The following CAMKMT variants were observed in gnomAD, a reference collection of about 807,000 sequenced individuals.
CAMKMT encodes the protein CaM KMT.
Under a neutral mutation model 48.0 loss-of-function variants are expected in CAMKMT, and 53 were observed. The ratio of observed to expected loss-of-function variants is 1.10; its 90% CI spans 0.89 to 1.39. CAMKMT has a LOEUF of 1.39. CAMKMT is among the 40% of genes most tolerant of loss of function. The probability of loss-of-function intolerance (pLI) is 0.00; values close to 1 mark genes in which losing one functional copy is unlikely to be tolerated. For synonymous variants in CAMKMT, 165 were observed against 152.3 expected, an observed-to-expected ratio of 1.08 and a Z score of -0.61; for missense variants, 428 against 402.7, an observed-to-expected ratio of 1.06 and a Z score of -0.54.
intron 3 of CAMKMT, among the ~76,000 whole-genome samples, chr2:44,432,081 G>T (rs1469903985): frequency 1.3e-5 from 2 of 152,090 alleles, no homozygotes. Context: ...CTTCTTGGCT[G>T]GTTTAGTCGC....
At chr2:44,366,800 C>A (rs905239661) in intron 1 of CAMKMT, among the ~76,000 whole-genome samples, 9 of 152,028 alleles carry the variant, frequency 5.9e-5, no homozygotes, top group African/African-American at 2.2e-4. Context: ...CGGCTCACTG[C>A]AACCTCCATG....
chr2:44,736,739 G>A (rs1434774945), intron 7 of CAMKMT, among the ~76,000 whole-genome samples: 1 of 151,936 alleles, frequency 6.6e-6, no homozygotes, highest in Non-Finnish European at 1.5e-5. Flanking sequence ...CTATCACTAT[G>A]TTTTCAAGTT....
At chr2:44,728,175 C>G (rs2104337040) in intron 7 of CAMKMT, among the ~76,000 whole-genome samples, 1 of 152,280 alleles carries the variant, frequency 6.6e-6, no homozygotes, top group East Asian at 1.9e-4. Context: ...ATCCTCCTGC[C>G]TCGGCCTCCC....
At chr2:44,679,038 T>C (rs1216175513) in intron 3 of CAMKMT, among the ~76,000 whole-genome samples, 3 of 152,166 alleles carry the variant, frequency 2.0e-5, no homozygotes, top group South Asian at 4.1e-4. Flanking sequence ...AAATCCTCTT[T>C]CTACTCTTAT....
At chr2:44,656,363 T>G (rs1674377440) in intron 3 of CAMKMT, among the ~76,000 whole-genome samples, 1 of 152,180 alleles carries the variant, frequency 6.6e-6, no homozygotes, top group African/African-American at 2.4e-5. Context: ...TTCTTTTTTT[T>G]TTAAAAAAAT....
At chr2:44,556,359 G>C (rs1199296572) in intron 3 of CAMKMT, among the ~76,000 whole-genome samples, 1 of 150,770 alleles carries the variant, frequency 6.6e-6, no homozygotes, top group Non-Finnish European at 1.5e-5. Context: ...GGCTGTTCTT[G>C]AACTCCTGAC....
intron 3 of CAMKMT, among the ~76,000 whole-genome samples, chr2:44,673,506 G>GAAGGAAGC (rs1675473879): frequency 1.4e-5 from 2 of 142,418 alleles, no homozygotes; most frequent in African/African-American, 5.3e-5. Context: ...AGGAAGGAAG[G>GAAGGAAGC]AAGGAAGGAA....
Position 44,390,414 on chromosome 2 carries a change from T to C in CAMKMT, c.376+109T>C. The C allele has an allele frequency of 2.9e-6, 2 of 695,940 alleles. 1 individual carries two copies. Among genetic ancestry groups the C allele is most frequent in the South Asian group, 4.3e-5 (2 of 46,052 alleles). 43.1% of individuals were successfully genotyped at this position (695,940 alleles called of 1,614,324 possible). On this transcript the variant is annotated intron_variant, in intron 3 of 10. Coordinates refer to ENST00000378494, the MANE Select transcript of CAMKMT (RefSeq NM_024766.5). ...TTATTATACTCACTAAATGTATGCATATATGTATATATAATAGAAAGTTTG... is the reference window on the plus strand; with the variant it reads ...TTATTATACTCACTAAATGTATGCACATATGTATATATAATAGAAAGTTTG...
At chr2:44,726,068 T>A (rs1212809989) in intron 7 of CAMKMT, among the ~76,000 whole-genome samples, 2 of 152,160 alleles carry the variant, frequency 1.3e-5, no homozygotes, top group East Asian at 3.9e-4. Flanking sequence ...AGCTCCCACT[T>A]ATAAGTGAGA....
In CAMKMT at chr2:44,673,470, A is replaced by AGAGGAAGGAAGG. The variant is rs1558786594; in HGVS notation, c.377-30812_377-30801dup. ...GAGAGAGAAAGAGAAAGAAAGAGAG[A>AGAGGAAGGAAGG]GAGGAAGGAAGGAAGGAAGGAAGGA... On this transcript the variant is annotated intron_variant, in intron 3 of 10. Transcript: ENST00000378494. Among the ~76,000 whole-genome samples the AGAGGAAGGAAGG allele has an allele frequency of 5.9e-4, 54 of 92,156 alleles. No homozygotes were observed. The South Asian group carries it at 0.022, about 37-fold the overall frequency. 60.5% of individuals were successfully genotyped at this position (92,156 alleles called of 152,430 possible).
At position 44,621,455 on chromosome 2, in the gene CAMKMT, A is replaced by G. The variant is rs540335268; in HGVS notation, c.377-82828A>G. ...GCTGCTTTACATTGGATGGCCTGGC[A>G]GGCTTCTCTGAGGAAGCGACATTTG... On this transcript the variant is annotated intron_variant, in intron 3 of 10. Coordinates refer to ENST00000378494, the MANE Select transcript of CAMKMT (RefSeq NM_024766.5). Among the ~76,000 whole-genome samples, 108 of 152,264 alleles carry G rather than the reference A, an allele frequency of 7.1e-4. 1 individual carries two copies. The highest frequency in any genetic ancestry group is 2.5e-3 in the African/African-American group (104 of 41,542).
intron 3 of CAMKMT, among the ~76,000 whole-genome samples, chr2:44,592,920 C>T (rs1428824547): frequency 6.6e-6 from 1 of 152,138 alleles, no homozygotes; most frequent in Non-Finnish European, 1.5e-5. Flanking sequence ...CTATAAATGT[C>T]AATTAAGTTG....
chr2:44,377,020 CT>C (rs1679767120), intron 2 of CAMKMT, among the ~76,000 whole-genome samples: 1 of 151,890 alleles, frequency 6.6e-6, no homozygotes, highest in Non-Finnish European at 1.5e-5. Context: ...CTTTCTTCCT[CT>C]TTTTTGAGAC....
intron 3 of CAMKMT, among the ~76,000 whole-genome samples, chr2:44,685,809 A>G (rs1676303391): frequency 6.6e-6 from 1 of 152,216 alleles, no homozygotes; most frequent in Admixed American, 6.5e-5. Context: ...ATGACTTAGA[A>G]ATAATATTCT....
At chr2:44,691,256 G>C (rs1676639142) in intron 3 of CAMKMT, among the ~76,000 whole-genome samples, 1 of 152,118 alleles carries the variant, frequency 6.6e-6, no homozygotes, top group South Asian at 2.1e-4. Flanking sequence ...CGTATCCTCT[G>C]GTCCTGTCTC....
At chr2:44,417,970 A>T (rs778697707) in intron 3 of CAMKMT, among the ~76,000 whole-genome samples, 10 of 152,170 alleles carry the variant, frequency 6.6e-5, no homozygotes, top group Non-Finnish European at 1.2e-4. Flanking sequence ...AGGCGGGTAG[A>T]TACCTGAGGT....
chr2:44,623,245 T>A (rs1160000841), intron 3 of CAMKMT, among the ~76,000 whole-genome samples: 3 of 152,154 alleles, frequency 2.0e-5, no homozygotes, highest in African/African-American at 7.2e-5. Context: ...TGGTATAGTT[T>A]ACAGATATTT....
chr2:44,684,763 C>T (rs1016559147), intron 3 of CAMKMT, among the ~76,000 whole-genome samples: 5 of 152,160 alleles, frequency 3.3e-5, no homozygotes, highest in African/African-American at 1.2e-4. Flanking sequence ...CAGTCCTCCT[C>T]CCCAGAGGAT....
At chr2:44,745,683 A>T (rs1679888179) in intron 8 of CAMKMT, among the ~76,000 whole-genome samples, 1 of 152,010 alleles carries the variant, frequency 6.6e-6, no homozygotes, top group Admixed American at 6.6e-5. Flanking sequence ...CCAGAATGTC[A>T]GCCTGTTTAT....
Sources: allele counts gnomAD v4.1 joint callset (sites outside exome capture counted in the v4.1 genomes callset), GRCh38; gene constraint gnomAD v4.1.1; transcripts MANE v1.5; gene names NCBI Gene and HGNC (gene_info 2026-07-23, HGNC 2026-07-21).